Variants in IKZF3 observed in about 807,000 individuals in gnomAD.
IKZF3 encodes IKAROS family zinc finger 3.
Under a neutral mutation model 49.0 loss-of-function variants are expected in IKZF3, and 10 were observed. The observed-to-expected ratio is 0.20, with a 90% CI of 0.13 to 0.35. The LOEUF (loss-of-function observed/expected upper bound fraction) is 0.35, where lower values mean the gene tolerates loss of function less well. Ranked by LOEUF, IKZF3 falls within the 10% of genes least tolerant of loss-of-function variation. IKZF3 has a pLI of 1.00. For synonymous variants in IKZF3, 209 were observed against 228.2 expected, an observed-to-expected ratio of 0.92 and a Z score of 0.76; for missense variants, 498 against 664.8, an observed-to-expected ratio of 0.75 and a Z score of 2.76.
chr17:39,836,097 C>A, intron 1 of IKZF3: 1 of 660,810 alleles, frequency 1.5e-6, no homozygotes. Context: ...AGGGGGCAAA[C>A]TTGTTGAGGG....
intron 5 of IKZF3, among the ~76,000 whole-genome samples, chr17:39,790,725 C>T (rs1361829971): frequency 6.6e-6 from 1 of 151,648 alleles, no homozygotes; most frequent in East Asian, 1.9e-4. Context: ...ATAACTTTTA[C>T]AAATCTTTAC....
intron 3 of IKZF3, among the ~76,000 whole-genome samples, chr17:39,797,412 C>A (rs901892555): frequency 3.3e-5 from 5 of 150,318 alleles, no homozygotes; most frequent in Non-Finnish European, 7.4e-5. Flanking sequence ...ACTCCTATGT[C>A]TTTTCTTTCT....
intron 6 of IKZF3, among the ~76,000 whole-genome samples, chr17:39,779,650 T>TG (rs945380374): frequency 6.1e-5 from 9 of 146,352 alleles, no homozygotes; most frequent in South Asian, 2.1e-4. Flanking sequence ...TTCTTTGTTT[T>TG]TTGTTTTTTT....
At chr17:39,860,252 A>AT (rs1378070193) in intron 1 of IKZF3, among the ~76,000 whole-genome samples, 5 of 149,944 alleles carry the variant, frequency 3.3e-5, no homozygotes, top group African/African-American at 4.9e-5. Context: ...AATAATAATA[A>AT]AAAAAAAAAA....
chr17:39,839,510 C>T, intron 1 of IKZF3: 2 of 564,006 alleles, frequency 3.5e-6, no homozygotes, highest in South Asian at 2.8e-5. Flanking sequence ...TCCTGAAAGT[C>T]TTGTGAGAAG....
intron 3 of IKZF3, among the ~76,000 whole-genome samples, chr17:39,805,350 A>G (rs556037846): frequency 6.6e-6 from 1 of 152,360 alleles, no homozygotes; most frequent in East Asian, 1.9e-4. Context: ...AAGCTAGCAT[A>G]TTAGCCGAAG....
chr17:39,770,193 A>G (rs920152654), intron 7 of IKZF3, among the ~76,000 whole-genome samples: 2 of 152,230 alleles, frequency 1.3e-5, no homozygotes, highest in Non-Finnish European at 2.9e-5. Flanking sequence ...CTTTAGTAAC[A>G]CACTCATAAA....
At chr17:39,816,227 T>G (rs967916899) in intron 3 of IKZF3, among the ~76,000 whole-genome samples, 6 of 152,242 alleles carry the variant, frequency 3.9e-5, no homozygotes, top group Admixed American at 3.9e-4. Flanking sequence ...TAGAGCTATA[T>G]CAACTATACA....
intron 1 of IKZF3, among the ~76,000 whole-genome samples, chr17:39,850,091 T>C (rs1040903860): frequency 4.2e-5 from 4 of 96,016 alleles, no homozygotes; most frequent in Non-Finnish European, 1.1e-4. Context: ...ATATATACTA[T>C]ATAGCATATT....
chr17:39,766,898 G>A (rs1302159645), intron 7 of IKZF3, among the ~76,000 whole-genome samples: 1 of 152,094 alleles, frequency 6.6e-6, no homozygotes, highest in Non-Finnish European at 1.5e-5. Context: ...GACACAGTCG[G>A]CTCCCAACTC....
chr17:39,792,769 T>G lies in IKZF3; in HGVS notation c.328A>C (p.Ser110Arg). ...ATCTTTCCACTGGTTGGCCTGCTAC[T>G]ATCGAATGAGACAACATGTCTCTCC... ...KLERHVVSFD[S>R]SRPTSGKMNC... Residue 110 changes from serine to arginine, a missense_variant, in exon 4 of 8, where the codon AGT becomes CGT. Ser to Arg is a moderately radical substitution (Grantham distance 110, BLOSUM62 -1). Coordinates refer to ENST00000346872, the MANE Select transcript of IKZF3 (RefSeq NM_012481.5). 1 of 1,614,088 alleles carries G rather than the reference T, an allele frequency of 6.2e-7. No individual in the cohort carries two copies. The highest frequency in any genetic ancestry group is 2.2e-5 in the East Asian group (1 of 44,896).
At chr17:39,856,119 C>A (rs947237413) in intron 1 of IKZF3, among the ~76,000 whole-genome samples, 1 of 149,730 alleles carries the variant, frequency 6.7e-6, no homozygotes, top group Non-Finnish European at 1.5e-5. Context: ...TACAATATAA[C>A]ATGTATATAA....
intron 2 of IKZF3, among the ~76,000 whole-genome samples, chr17:39,830,646 T>C (rs772885219): frequency 2.0e-5 from 3 of 152,234 alleles, no homozygotes; most frequent in African/African-American, 4.8e-5. Flanking sequence ...AAAAAGATGA[T>C]AGCAGAAGAA....
At chr17:39,856,022 T>C (rs1012820722) in intron 1 of IKZF3, among the ~76,000 whole-genome samples, 6 of 147,602 alleles carry the variant, frequency 4.1e-5, no homozygotes, top group Non-Finnish European at 1.5e-5. Context: ...ATGTATATTG[T>C]ATATGTACAA....
At chr17:39,824,521 T>C (rs1012826968) in intron 3 of IKZF3, among the ~76,000 whole-genome samples, 2 of 152,112 alleles carry the variant, frequency 1.3e-5, no homozygotes, top group African/African-American at 4.8e-5. Flanking sequence ...GGCAGAATGA[T>C]ATGGTTTAGC....
At chr17:39,820,999 G>C (rs1202215761) in intron 3 of IKZF3, among the ~76,000 whole-genome samples, 1 of 152,086 alleles carries the variant, frequency 6.6e-6, no homozygotes, top group Non-Finnish European at 1.5e-5. Flanking sequence ...CCTTCCATTT[G>C]GCTGTTCCTG....
At chr17:39,814,668 G>A (rs1259886493) in intron 3 of IKZF3, among the ~76,000 whole-genome samples, 2 of 152,118 alleles carry the variant, frequency 1.3e-5, no homozygotes, top group African/African-American at 4.8e-5. Context: ...TGGAGGCAGA[G>A]ATTAGAGTTA....
Position 39,864,133 on chromosome 17 carries a change from G to A in IKZF3, c.-7C>T. The A allele has an allele frequency of 6.2e-7, 1 of 1,612,288 alleles. No individual in the cohort carries two copies. Among genetic ancestry groups the A allele is most frequent in the Non-Finnish European group, 8.5e-7 (1 of 1,179,320 alleles). On this transcript the variant is annotated 5_prime_UTR_variant, in exon 1 of 8. Coordinates refer to ENST00000346872, the MANE Select transcript of IKZF3 (RefSeq NM_012481.5). ...CTGGAGGCTCACCTTCCATGTCGCTGCCGGGCCGGGCTGGAGCTGCCGCTG... is the reference window on the plus strand; with the variant it reads ...CTGGAGGCTCACCTTCCATGTCGCTACCGGGCCGGGCTGGAGCTGCCGCTG...
intron 7 of IKZF3, among the ~76,000 whole-genome samples, chr17:39,771,116 A>G (rs1251117795): frequency 6.6e-6 from 1 of 152,170 alleles, no homozygotes; most frequent in Non-Finnish European, 1.5e-5. Flanking sequence ...ATATCCCAGT[A>G]TATGTTTGAG....
Sources: gnomAD v4.1 joint callset for allele counts (sites outside exome capture counted in the v4.1 genomes callset) on GRCh38, gnomAD v4.1.1 for gene constraint, MANE v1.5 for transcripts, NCBI Gene and HGNC (gene_info 2026-07-23, HGNC 2026-07-21) for gene names.